KCNH1: variants seen among roughly 807,000 people sequenced by gnomAD.
KCNH1 encodes the protein voltage-gated delayed rectifier potassium channel KCNH1.
In KCNH1, 27 loss-of-function variants were observed where a neutral mutation model predicts 69.2. The ratio of observed to expected loss-of-function variants is 0.39; its 90% CI spans 0.29 to 0.54. The LOEUF is 0.54. KCNH1 is among the 20% of genes least tolerant of loss of function. The pLI is 0.68. For missense variants in KCNH1, 798 were observed against 1,261.6 expected, an observed-to-expected ratio of 0.63 and a Z score of 5.57; for synonymous variants, 456 against 487.7, an observed-to-expected ratio of 0.93 and a Z score of 0.86.
chr1:210,983,426 C>A (rs536356320), intron 6 of KCNH1, among the ~76,000 whole-genome samples: 7 of 152,270 alleles, frequency 4.6e-5, no homozygotes, highest in African/African-American at 1.7e-4. Flanking sequence ...AGTCTTTAAT[C>A]CATCTTGAAT....
Position 210,731,175 on chromosome 1 carries a change from G to C in KCNH1, c.2112+44173C>G, listed in dbSNP as rs1682739361. Among the ~76,000 whole-genome samples, 3 of 152,128 alleles carry C rather than the reference G, an allele frequency of 2.0e-5. No homozygotes were observed. The South Asian group carries it at 6.2e-4, about 32-fold the overall frequency. ...CAGAAATGATGCTGAAATATTTCTG[G>C]CTCTCCCATCACCTTCCCTAACTTC... is the stretch of plus-strand genomic sequence containing the variant. On this transcript the variant is annotated intron_variant, in intron 10 of 10. Transcript: ENST00000271751.
chr1:211,076,400 AGCAATATTTGCTGTTCT>A (rs554658177), intron 5 of KCNH1, among the ~76,000 whole-genome samples: 1,533 of 152,326 alleles, frequency 0.01, 29 homozygotes, highest in African/African-American at 0.035. Flanking sequence ...AGGATCAGGC[AGCAATATTTGCTGTTCT>A]GCAATATTTG....
intron 7 of KCNH1, among the ~76,000 whole-genome samples, chr1:210,806,988 C>A (rs1483905828): frequency 1.7e-5 from 2 of 120,614 alleles, no homozygotes; most frequent in Non-Finnish European, 1.7e-5. Flanking sequence ...GCCTGGGTAG[C>A]AGAGCAAGAC....
chr1:211,040,470 T>G (rs1405314881), intron 5 of KCNH1, among the ~76,000 whole-genome samples: 1 of 152,186 alleles, frequency 6.6e-6, no homozygotes, highest in Non-Finnish European at 1.5e-5. Context: ...TTTTGCTTCT[T>G]CCTCATTTTC....
At chr1:211,071,535 T>C (rs1166018880) in intron 5 of KCNH1, among the ~76,000 whole-genome samples, 2 of 152,196 alleles carry the variant, frequency 1.3e-5, no homozygotes, top group Admixed American at 6.5e-5. Flanking sequence ...GTGTATACTT[T>C]AGTTCATGTT....
chr1:210,877,139 C>CA (rs1307805265), intron 7 of KCNH1, among the ~76,000 whole-genome samples: 1 of 150,572 alleles, frequency 6.6e-6, no homozygotes, highest in African/African-American at 2.4e-5. Context: ...AATTTGTTTG[C>CA]AAAAAATGCT....
At chr1:210,978,532 G>T (rs929651322) in intron 6 of KCNH1, among the ~76,000 whole-genome samples, 1 of 152,044 alleles carries the variant, frequency 6.6e-6, no homozygotes, top group African/African-American at 2.4e-5. Context: ...GTTGAAACCT[G>T]AACATTATAG....
rs1279508289 is a variant in KCNH1, at chr1:210,788,692, T to C, written c.1915+8816A>G. On this transcript the variant is annotated intron_variant, in intron 9 of 10. Coordinates refer to ENST00000271751, the MANE Select transcript of KCNH1 (RefSeq NM_172362.3). ...TCATATTATAGCTTCTTTCTTTTTT[T>C]TTTTTTTTTTTTTTTTTTTTTTGAG... 2.2e-4 allele frequency among the ~76,000 whole-genome samples: 19 copies of C among 86,074 alleles called. 2 individuals carry two copies. The highest frequency in any genetic ancestry group is 7.7e-4 in the African/African-American group (16 of 20,762). 56.5% of individuals were successfully genotyped at this position (86,074 alleles called of 152,430 possible). A position where few individuals can be genotyped will look rare whatever the true frequency, so the allele number is the denominator to read the frequency against.
At chr1:210,901,108 T>C (rs1338217964) in intron 7 of KCNH1, among the ~76,000 whole-genome samples, 1 of 152,062 alleles carries the variant, frequency 6.6e-6, no homozygotes, top group Non-Finnish European at 1.5e-5. Context: ...TTACATCTCT[T>C]GGATAGCTCA....
At position 210,999,650 on chromosome 1, in the gene KCNH1, C is replaced by T. The variant is rs186558781; in HGVS notation, c.1032+19133G>A. ...ATGTAAAGAAAAAGAGGGAATCCTCCCTAACTCATTTTATGAGGCCAGCAT... is the reference window on the plus strand; with the variant it reads ...ATGTAAAGAAAAAGAGGGAATCCTCTCTAACTCATTTTATGAGGCCAGCAT... On this transcript the variant is annotated intron_variant, in intron 6 of 10. Coordinates refer to ENST00000271751, the MANE Select transcript of KCNH1 (RefSeq NM_172362.3). 2.5e-3 allele frequency among the ~76,000 whole-genome samples: 386 copies of T among 152,308 alleles called. 1 individual carries two copies. Among genetic ancestry groups the T allele is most frequent in the Non-Finnish European group, 3.3e-3 (227 of 68,028 alleles).
chr1:210,976,849 C>T (rs2102373281), intron 6 of KCNH1, among the ~76,000 whole-genome samples: 1 of 148,870 alleles, frequency 6.7e-6, no homozygotes, highest in Non-Finnish European at 1.5e-5. Context: ...CACTTTTACA[C>T]TGTTGGTGGG....
chr1:211,028,313 C>T (rs773649033), intron 5 of KCNH1, among the ~76,000 whole-genome samples: 1 of 151,682 alleles, frequency 6.6e-6, no homozygotes, highest in African/African-American at 2.4e-5. Context: ...TGTTAAAGTA[C>T]TACAAAAAGG....
At chr1:211,014,574 C>G (rs141820832) in intron 6 of KCNH1, among the ~76,000 whole-genome samples, 1 of 152,238 alleles carries the variant, frequency 6.6e-6, no homozygotes, top group East Asian at 1.9e-4. Flanking sequence ...TACCCCAGTT[C>G]TTTTTTGACC....
At chr1:210,701,068 G>A (rs1320639282) in intron 10 of KCNH1, among the ~76,000 whole-genome samples, 1 of 152,120 alleles carries the variant, frequency 6.6e-6, no homozygotes, top group Non-Finnish European at 1.5e-5. Context: ...CTCCCAAGTA[G>A]CTGGGACTAC....
chr1:210,937,747 A>T (rs1687798492), intron 6 of KCNH1, among the ~76,000 whole-genome samples: 1 of 151,912 alleles, frequency 6.6e-6, no homozygotes, highest in African/African-American at 2.4e-5. Flanking sequence ...TGAGTTCCTA[A>T]CATTCTTTTA....
At chr1:210,821,123 CA>C (rs1176526041) in intron 7 of KCNH1, among the ~76,000 whole-genome samples, 1 of 152,140 alleles carries the variant, frequency 6.6e-6, no homozygotes, top group African/African-American at 2.4e-5. Context: ...TCAGGTGAAT[CA>C]CTAGAGTGCT....
chr1:210,846,739 T>C (rs1685558432), intron 7 of KCNH1, among the ~76,000 whole-genome samples: 1 of 151,742 alleles, frequency 6.6e-6, no homozygotes, highest in Non-Finnish European at 1.5e-5. Context: ...TGGGATCTAA[T>C]TAAACTAAAG....
chr1:210,862,562 G>A (rs1333507819), intron 7 of KCNH1, among the ~76,000 whole-genome samples: 1 of 152,102 alleles, frequency 6.6e-6, no homozygotes, highest in Non-Finnish European at 1.5e-5. Context: ...TTGAACTCCT[G>A]GTCTTAAGCA....
rs145397480 is a variant in KCNH1, at chr1:210,986,761, C to A, written c.1032+32022G>T. On this transcript the variant is annotated intron_variant, in intron 6 of 10. Coordinates refer to ENST00000271751, the MANE Select transcript of KCNH1 (RefSeq NM_172362.3). ...GTTGGTGAATCTGACAATTATGTGT[C>A]TTGGAGTTGCTCTTCTCGAGGAGTA... Among the ~76,000 whole-genome samples the A allele has an allele frequency of 8.5e-3, 1,299 of 152,266 alleles. 18 individuals carry two copies. The highest frequency in any genetic ancestry group is 0.03 in the African/African-American group (1,236 of 41,528).
Sources: allele counts gnomAD v4.1 joint callset (sites outside exome capture counted in the v4.1 genomes callset), GRCh38; gene constraint gnomAD v4.1.1; transcripts MANE v1.5; gene names NCBI Gene and HGNC (gene_info 2026-07-23, HGNC 2026-07-21).